Variants in MECOM observed in about 807,000 individuals in gnomAD.
The protein encoded by MECOM is MDS1 and EVI1 complex locus, also known as histone-lysine N-methyltransferase MECOM.
Under a neutral mutation model 116.3 loss-of-function variants are expected in MECOM, and 13 were observed. The ratio of observed to expected loss-of-function variants is 0.11; its 90% CI spans 0.07 to 0.18. The LOEUF (loss-of-function observed/expected upper bound fraction) is 0.18. Among genes scored for constraint, MECOM ranks in the 10% least tolerant of loss-of-function variants. MECOM has a pLI of 1.00. For missense variants in MECOM, 1,299 were observed against 1,509.0 expected, an observed-to-expected ratio of 0.86 and a Z score of 2.31; for synonymous variants, 528 against 535.2, an observed-to-expected ratio of 0.99 and a Z score of 0.19.
chr3:169,171,041 C>A (rs1458934434), intron 2 of MECOM, among the ~76,000 whole-genome samples: 1 of 152,072 alleles, frequency 6.6e-6, no homozygotes, highest in Admixed American at 6.6e-5. Context: ...CCTGGAATTT[C>A]TTTTTTATGT....
intron 2 of MECOM, among the ~76,000 whole-genome samples, chr3:169,243,758 A>G (rs893796060): frequency 6.6e-6 from 1 of 152,222 alleles, no homozygotes; most frequent in African/African-American, 2.4e-5. Flanking sequence ...ACTTCGAAAC[A>G]TACTCTGAAA....
chr3:169,498,721 A>C (rs1214429316), intron 1 of MECOM, among the ~76,000 whole-genome samples: 1 of 152,224 alleles, frequency 6.6e-6, no homozygotes, highest in African/African-American at 2.4e-5. Context: ...TTTACACAAG[A>C]AAATCAGCAC....
chr3:169,638,140 T>G (rs1386064999), intron 1 of MECOM, among the ~76,000 whole-genome samples: 1 of 152,158 alleles, frequency 6.6e-6, no homozygotes, highest in Admixed American at 6.5e-5. Flanking sequence ...ATAATTGTAG[T>G]GAACTGTATT....
chr3:169,297,881 G>T (rs1233974638), intron 2 of MECOM, among the ~76,000 whole-genome samples: 1 of 152,154 alleles, frequency 6.6e-6, no homozygotes, highest in Non-Finnish European at 1.5e-5. Context: ...TTTACATAAG[G>T]TCCTTGTGAT....
At chr3:169,466,554 T>C (rs1748334782) in intron 1 of MECOM, among the ~76,000 whole-genome samples, 1 of 152,340 alleles carries the variant, frequency 6.6e-6, no homozygotes, top group Admixed American at 6.5e-5. Flanking sequence ...ATCCAGAGTC[T>C]GAGTGTGCTT....
chr3:169,218,209 GA>G (rs1284371266), intron 2 of MECOM, among the ~76,000 whole-genome samples: 7 of 149,186 alleles, frequency 4.7e-5, no homozygotes, highest in South Asian at 2.1e-4. Flanking sequence ...AAAGTTACAG[GA>G]AAAAAAAAGG....
chr3:169,645,379 TTA>T (rs1473325143), intron 1 of MECOM, among the ~76,000 whole-genome samples: 4 of 152,220 alleles, frequency 2.6e-5, no homozygotes, highest in Admixed American at 6.5e-5. Context: ...GCAGAAACAT[TTA>T]TGTCTGGAAT....
intron 2 of MECOM, among the ~76,000 whole-genome samples, chr3:169,350,760 CGGAT>C (rs1296741773): frequency 2.0e-5 from 3 of 151,546 alleles, no homozygotes; most frequent in African/African-American, 7.3e-5. Flanking sequence ...ATATCTCTAT[CGGAT>C]GGTAAAGTAA....
Position 169,375,239 on chromosome 3 carries a change from C to A in MECOM, c.375+5948G>T, listed in dbSNP as rs147705581. The stretch of plus-strand genomic sequence containing the variant: ...GAAAGTGGGAAAGATCTAAAATCAA[C>A]ACCTTAACATCACAATTAAAAGAAC... On this transcript the variant is annotated intron_variant, in intron 2 of 16. Transcript: ENST00000651503. Among the ~76,000 whole-genome samples the A allele has an allele frequency of 1.8e-3, 276 of 152,086 alleles. 5 individuals are homozygous for A. In the East Asian group the frequency reaches 0.047, roughly 26 times the overall value.
chr3:169,097,164 T>C (rs1721762947), intron 12 of MECOM, among the ~76,000 whole-genome samples: 1 of 152,030 alleles, frequency 6.6e-6, no homozygotes, highest in African/African-American at 2.4e-5. Context: ...CCAAAACACT[T>C]TCTACACAAA....
rs573836054 is a variant in MECOM at position 169,190,781 on chromosome 3, G to T, written c.376-46949C>A. ...AACTCAGAGAAGTTTGGAATAGATT[G>T]TACAATGCATAAAAGCAGCCCAGGT... On this transcript the variant is annotated intron_variant, in intron 2 of 16. Coordinates refer to ENST00000651503, the MANE Select transcript of MECOM (RefSeq NM_004991.4). Among the ~76,000 whole-genome samples, 3 of 152,144 alleles carry T rather than the reference G, an allele frequency of 2.0e-5. No individual in the cohort carries two copies. In the South Asian group the frequency reaches 6.2e-4, roughly 31 times the overall value.
chr3:169,410,383 C>T (rs896972125), intron 1 of MECOM, among the ~76,000 whole-genome samples: 7 of 152,094 alleles, frequency 4.6e-5, no homozygotes, highest in South Asian at 4.1e-4. Flanking sequence ...GAATAAAGAC[C>T]GACTTTTCTT....
intron 1 of MECOM, among the ~76,000 whole-genome samples, chr3:169,464,302 A>G (rs982756261): frequency 1.1e-4 from 16 of 152,206 alleles, no homozygotes; most frequent in African/African-American, 3.9e-4. Context: ...GAATGTAAAA[A>G]TGTAGTTACA....
intron 7 of MECOM, among the ~76,000 whole-genome samples, chr3:169,117,949 T>C (rs1441725742): frequency 6.6e-6 from 1 of 152,208 alleles, no homozygotes; most frequent in Non-Finnish European, 1.5e-5. Flanking sequence ...GTTCAATACA[T>C]GCAGAAACAA....
intron 2 of MECOM, among the ~76,000 whole-genome samples, chr3:169,303,096 A>G (rs1190420157): frequency 6.6e-6 from 1 of 152,182 alleles, no homozygotes; most frequent in Non-Finnish European, 1.5e-5. Context: ...CATGAAAAAC[A>G]CCACCAATAA....
chr3:169,656,358 T>C (rs964461523), intron 1 of MECOM, among the ~76,000 whole-genome samples: 4 of 152,170 alleles, frequency 2.6e-5, no homozygotes, highest in Non-Finnish European at 5.9e-5. Context: ...TAAAAGTCAG[T>C]AGTCAAGAAT....
chr3:169,295,468 A>G (rs779026732), intron 2 of MECOM, among the ~76,000 whole-genome samples: 6 of 152,210 alleles, frequency 3.9e-5, no homozygotes, highest in Admixed American at 1.3e-4. Flanking sequence ...AAAAAGTACA[A>G]TATCACTTTC....
At chr3:169,240,967 C>G (rs911790122) in intron 2 of MECOM, among the ~76,000 whole-genome samples, 1 of 152,036 alleles carries the variant, frequency 6.6e-6, no homozygotes, top group African/African-American at 2.4e-5. Flanking sequence ...TTTCAGCCAC[C>G]AGCAATGTGA....
In MECOM at chr3:169,083,622, T is replaced by C. The variant is rs1000109825; in HGVS notation, c.*1287A>G. On this transcript the variant is annotated 3_prime_UTR_variant, in exon 17 of 17. Transcript: ENST00000651503. Reference sequence around the variant, plus strand: ...AAAGTACCTCAACTTGCTGATTATTTCAAAATGAGATTACAAACAAAAAGA... The same window carrying C: ...AAAGTACCTCAACTTGCTGATTATTCCAAAATGAGATTACAAACAAAAAGA... 5.6e-5 allele frequency: 11 copies of C among 196,196 alleles called. No homozygotes were observed. The highest frequency in any genetic ancestry group is 1.8e-4 in the Admixed American group (3 of 16,466). The allele number at this position is 196,196 out of a possible 1,614,324, so 12.2% of individuals were successfully genotyped here. A position where few individuals can be genotyped will look rare whatever the true frequency, so the allele number is the denominator to read the frequency against.
Sources: gnomAD v4.1 joint callset for allele counts (sites outside exome capture counted in the v4.1 genomes callset) on GRCh38, gnomAD v4.1.1 for gene constraint, MANE v1.5 for transcripts, NCBI Gene and HGNC (gene_info 2026-07-23, HGNC 2026-07-21) for gene names.